Variants in GPR146 observed in about 807,000 individuals in gnomAD.
GPR146 encodes G protein-coupled receptor 146, also known as G-protein coupled receptor 146.
For synonymous variants in GPR146, 203 were observed against 104.3 expected (o/e 1.95, Z -5.77); for missense variants, 381 against 213.9 (o/e 1.78, Z -4.87).
chr7:1,057,392 G>C (rs764780905), intron 1 of GPR146, 100 bp from the exon 2 acceptor site: 3 of 605,294 alleles, frequency 5.0e-6, no homozygotes, highest in Non-Finnish European at 8.9e-6. Flanking sequence ...GGTCTGCAGC[G>C]ATTACTGCAC....
chr7:1,057,368 C>A lies in GPR146; in HGVS notation c.-24-124C>A, dbSNP rs1052637858. On this transcript the variant is annotated intron_variant, in intron 1 of 1. Coordinates refer to ENST00000444847, the MANE Select transcript of GPR146 (RefSeq NM_001303473.2). ...CACTTTCACAGAAATGCACCAAAGG[C>A]AGCCTCGCTCTGTGGTCTGCAGCGA... The A allele has an allele frequency of 2.4e-5, 14 of 595,358 alleles. No homozygotes were observed. In the Middle Eastern group the frequency reaches 3.0e-3, roughly 126 times the overall value. 36.9% of individuals were successfully genotyped at this position (595,358 alleles called of 1,614,324 possible). A position where few individuals can be genotyped will look rare whatever the true frequency, so the allele number is the denominator to read the frequency against.
chr7:1,054,543 C>G (rs1583586393), intron 1 of GPR146, among the ~76,000 whole-genome samples: 1 of 152,358 alleles, frequency 6.6e-6, no homozygotes, highest in South Asian at 2.1e-4. Flanking sequence ...CCAGCAGATC[C>G]CACTCCACGT....
intron 1 of GPR146, among the ~76,000 whole-genome samples, chr7:1,053,610 C>A (rs532543627): frequency 1.2e-4 from 19 of 152,278 alleles, no homozygotes; most frequent in Admixed American, 5.2e-4. Context: ...GGCGGATCAC[C>A]TGAGGTCGGG....
In GPR146 at chr7:1,058,556, C is replaced by T. The variant is rs751773532; in HGVS notation, c.*39C>T. 39 of 746,314 alleles carry T rather than the reference C, an allele frequency of 5.2e-5. No individual in the cohort carries two copies. The highest frequency in any genetic ancestry group is 7.7e-5 in the Non-Finnish European group (31 of 401,246). 46.2% of individuals were successfully genotyped at this position (746,314 alleles called of 1,614,324 possible). ...CCTGGGGAGACGTGACTCTGGTGGA[C>T]GCAGAGCACTTAGTTACCCTGGACG... is the stretch of plus-strand genomic sequence containing the variant. On this transcript the variant is annotated 3_prime_UTR_variant, in exon 2 of 2. Transcript: ENST00000444847.
At position 1,058,589 on chromosome 7, in the gene GPR146, C is replaced by A; in HGVS notation, c.*72C>A. On this transcript the variant is annotated 3_prime_UTR_variant, in exon 2 of 2. Coordinates refer to ENST00000444847, the MANE Select transcript of GPR146 (RefSeq NM_001303473.2). ...ACTTAGTTACCCTGGACGCTCCCCA[C>A]ATCCTTCCAGAAGGAGACGAGCTGC... is the stretch of plus-strand genomic sequence containing the variant. 3.0e-6 allele frequency: 2 copies of A among 669,616 alleles called. No homozygotes were observed. The highest frequency in any genetic ancestry group is 1.8e-5 in the African/African-American group (1 of 56,080). The allele number at this position is 669,616 out of a possible 1,614,324, so 41.5% of individuals were successfully genotyped here. A position where few individuals can be genotyped will look rare whatever the true frequency, so the allele number is the denominator to read the frequency against.
intron 1 of GPR146, among the ~76,000 whole-genome samples, chr7:1,048,762 C>T (rs1410394944): frequency 1.3e-5 from 2 of 152,198 alleles, no homozygotes; most frequent in Non-Finnish European, 2.9e-5. Flanking sequence ...CCACACCCTG[C>T]TATGGCCATG....
chr7:1,051,099 C>G (rs1049944422), intron 1 of GPR146, among the ~76,000 whole-genome samples: 3 of 152,328 alleles, frequency 2.0e-5, no homozygotes, highest in East Asian at 3.9e-4. Flanking sequence ...CCAGCACACC[C>G]GGACTTCTCG....
At chr7:1,055,154 C>G (rs1783592060) in intron 1 of GPR146, 1 of 442,774 alleles carries the variant, frequency 2.3e-6, no homozygotes, top group East Asian at 7.1e-5. Flanking sequence ...CAGCTGTGCT[C>G]AGTTTGCAGT....
At chr7:1,051,489 C>T (rs914125876) in intron 1 of GPR146, among the ~76,000 whole-genome samples, 1 of 152,232 alleles carries the variant, frequency 6.6e-6, no homozygotes, top group African/African-American at 2.4e-5. Context: ...TCTCCCGATT[C>T]CGCTGGGCTT....
At chr7:1,048,232 G>T (rs560141083) in intron 1 of GPR146, among the ~76,000 whole-genome samples, 2 of 152,324 alleles carry the variant, frequency 1.3e-5, no homozygotes, top group East Asian at 3.9e-4. Context: ...ACTTCGTGGG[G>T]ATCACCGGGC....
intron 1 of GPR146, among the ~76,000 whole-genome samples, chr7:1,050,633 C>G (rs1395439286): frequency 6.6e-6 from 1 of 152,352 alleles, no homozygotes; most frequent in South Asian, 2.1e-4. Flanking sequence ...CAGCAGCCTT[C>G]CCGGGCTTGG....
chr7:1,056,894 T>TC (rs1783847698), intron 1 of GPR146: 1 of 152,646 alleles, frequency 6.6e-6, no homozygotes, highest in Non-Finnish European at 1.5e-5. Flanking sequence ...AAATTCTTAC[T>TC]CTAGGATGGC....
rs1782409176 is a variant in GPR146 at position 1,044,674 on chromosome 7, G to T, written c.-25+16G>T. ...CAGCAAGCCGGTGAGTGGGGCCCGG[G>T]AGCCTGGGTCGGGTCGGTGGGGCAC... On this transcript the variant is annotated intron_variant, in intron 1 of 1. Coordinates refer to ENST00000444847, the MANE Select transcript of GPR146 (RefSeq NM_001303473.2). The T allele has an allele frequency of 6.6e-6, 1 of 152,078 alleles. No individual in the cohort carries two copies. The highest frequency in any genetic ancestry group is 2.1e-4 in the South Asian group (1 of 4,838). 9.4% of individuals were successfully genotyped at this position (152,078 alleles called of 1,614,324 possible). A position where few individuals can be genotyped will look rare whatever the true frequency, so the allele number is the denominator to read the frequency against.
intron 1 of GPR146, among the ~76,000 whole-genome samples, chr7:1,054,694 G>A (rs1167347219): frequency 6.6e-6 from 1 of 152,230 alleles, no homozygotes; most frequent in Non-Finnish European, 1.5e-5. Context: ...CGGCGGGCAA[G>A]AGGCTGGCCC....
chr7:1,051,976 T>C (rs1477170147), intron 1 of GPR146, among the ~76,000 whole-genome samples: 1 of 152,154 alleles, frequency 6.6e-6, no homozygotes, highest in Non-Finnish European at 1.5e-5. Flanking sequence ...AGATCCTGGC[T>C]CCAAACAGAA....
intron 1 of GPR146, among the ~76,000 whole-genome samples, chr7:1,048,330 G>T (rs568264231): frequency 2.0e-5 from 3 of 152,282 alleles, no homozygotes; most frequent in East Asian, 3.9e-4. Context: ...CATCAAAAGC[G>T]ATGGCTTTTG....
In GPR146 at chr7:1,054,076, C is replaced by T. The variant is rs531032488; in HGVS notation, c.-24-3416C>T. Among the ~76,000 whole-genome samples, 98 of 152,318 alleles carry T rather than the reference C, an allele frequency of 6.4e-4. 1 individual carries two copies. Among genetic ancestry groups the T allele is most frequent in the African/African-American group, 1.3e-3 (54 of 41,578 alleles). ...CCATGCCTCTCAGCCCAGCTCCTGA[C>T]AAAGGCGGGAACCTGAGCTCCTCGG... On this transcript the variant is annotated intron_variant, in intron 1 of 1. Coordinates refer to ENST00000444847, the MANE Select transcript of GPR146 (RefSeq NM_001303473.2).
intron 1 of GPR146, among the ~76,000 whole-genome samples, chr7:1,047,853 T>C (rs1315370703): frequency 6.6e-6 from 1 of 152,184 alleles, no homozygotes; most frequent in African/African-American, 2.4e-5. Flanking sequence ...GTGGGGAAAT[T>C]GGATCACTCG....
At chr7:1,048,405 G>A (rs1782781340) in intron 1 of GPR146, among the ~76,000 whole-genome samples, 1 of 152,106 alleles carries the variant, frequency 6.6e-6, no homozygotes, top group Admixed American at 6.5e-5. Flanking sequence ...TGCCAGCTCT[G>A]TGCAGTGCAG....
Sources: allele counts gnomAD v4.1 joint callset (sites outside exome capture counted in the v4.1 genomes callset), GRCh38; gene constraint gnomAD v4.1.1; transcripts MANE v1.5; gene names NCBI Gene and HGNC (gene_info 2026-07-23, HGNC 2026-07-21).